Variants in CDCP1 observed in about 807,000 individuals in gnomAD.
CDCP1 encodes the protein CUB domain-containing protein 1.
CDCP1 carries 29 observed loss-of-function variants against 60.2 expected under a neutral mutation model. That is an observed-to-expected ratio of 0.48 (90% CI 0.36 to 0.66). The LOEUF (loss-of-function observed/expected upper bound fraction) is 0.66. CDCP1 is among the 30% of genes least tolerant of loss of function. The probability of loss-of-function intolerance (pLI) is 0.00; values close to 1 mark genes in which losing one functional copy is unlikely to be tolerated. For synonymous variants in CDCP1, 387 were observed against 431.1 expected, an observed-to-expected ratio of 0.90 and a Z score of 1.27; for missense variants, 876 against 1,074.3, an observed-to-expected ratio of 0.82 and a Z score of 2.58.
chr3:45,088,935 T>A (rs976323467), intron 8 of CDCP1, 119 bp downstream of exon 8: 8 of 831,482 alleles, frequency 9.6e-6, no homozygotes, highest in Non-Finnish European at 1.6e-5. Flanking sequence ...TGTTTAACAT[T>A]GATCTTTGGG....
intron 4 of CDCP1, among the ~76,000 whole-genome samples, chr3:45,104,011 G>A (rs542169493): frequency 6.6e-6 from 1 of 152,294 alleles, no homozygotes; most frequent in South Asian, 2.1e-4. Flanking sequence ...GACACTCCCA[G>A]GAGCACTCCA....
chr3:45,140,287 C>CTG (rs1559403417), intron 1 of CDCP1, among the ~76,000 whole-genome samples: 2 of 152,196 alleles, frequency 1.3e-5, no homozygotes, highest in African/African-American at 4.8e-5. Context: ...ACTGTATTTA[C>CTG]CCAGACAAAG....
chr3:45,097,612 G>A (rs184854673), intron 4 of CDCP1, among the ~76,000 whole-genome samples: 73 of 151,858 alleles, frequency 4.8e-4, no homozygotes, highest in Non-Finnish European at 7.6e-4. Context: ...CAGCGCCGGC[G>A]AATGAGTTCA....
chr3:45,110,888 C>T, intron 3 of CDCP1, 47 bp from the exon 4 acceptor site: 1 of 1,566,458 alleles, frequency 6.4e-7, no homozygotes. Flanking sequence ...AGCCATTAGA[C>T]CCTGTCCTGG....
intron 1 of CDCP1, among the ~76,000 whole-genome samples, chr3:45,136,818 A>T (rs559656950): frequency 1.3e-5 from 2 of 152,338 alleles, no homozygotes; most frequent in African/African-American, 4.8e-5. Context: ...TTATTTTTAA[A>T]ATATCTTAGA....
chr3:45,131,007 C>A (rs1030404660), intron 1 of CDCP1, among the ~76,000 whole-genome samples: 2 of 152,100 alleles, frequency 1.3e-5, no homozygotes, highest in African/African-American at 4.8e-5. Flanking sequence ...GCTGGGACCA[C>A]CAGCGAATGA....
chr3:45,140,760 T>C (rs544640507), intron 1 of CDCP1, among the ~76,000 whole-genome samples: 5 of 152,374 alleles, frequency 3.3e-5, no homozygotes, highest in African/African-American at 1.2e-4. Flanking sequence ...TTGAACACTG[T>C]AGAACTTATG....
intron 1 of CDCP1, among the ~76,000 whole-genome samples, chr3:45,143,121 TTGAACC>T (rs1376025752): frequency 2.6e-5 from 4 of 152,118 alleles, no homozygotes; most frequent in African/African-American, 9.7e-5. Flanking sequence ...GGAGAATAGC[TTGAACC>T]TGGGAGACGG....
intron 2 of CDCP1, among the ~76,000 whole-genome samples, chr3:45,114,641 G>C (rs913032411): frequency 7.9e-5 from 12 of 152,062 alleles, no homozygotes; most frequent in Non-Finnish European, 1.3e-4. Context: ...TTGAACTCCT[G>C]ACCTCAGGTG....
At chr3:45,093,687 A>C (rs755609949) in intron 5 of CDCP1, 30 bp from the exon 6 acceptor site, 1 of 1,582,784 alleles carries the variant, frequency 6.3e-7, no homozygotes, top group East Asian at 2.2e-5. Context: ...CTAGCCATGC[A>C]CAAAGGAGAC....
At chr3:45,107,422 G>T (rs1172225701) in intron 4 of CDCP1, among the ~76,000 whole-genome samples, 1 of 151,996 alleles carries the variant, frequency 6.6e-6, no homozygotes, top group Non-Finnish European at 1.5e-5. Context: ...TGGCCAGGCT[G>T]GTCTCAAACT....
Position 45,085,754 on chromosome 3 carries a change from G to A in CDCP1, c.2395C>T (p.Pro799Ser). The stretch of plus-strand genomic sequence containing the variant: ...GTGTACGGTTCACTCTCAGACTCAG[G>A]AGGGGAGCGAGGAGGTGGCTCCTCA... ...ATEEPPPRSP[P>S]ESESEPYTFS... The change falls in exon 9 of 9, where the codon CCT (proline) becomes TCT (serine). Residue 799 changes from proline (P) to serine (S), a missense_variant. Pro to Ser is a moderately conservative substitution (Grantham distance 74). Transcript: ENST00000296129. The surrounding 1 kb of genome is among the most constrained non-coding windows in gnomAD (Gnocchi z 4.2). 3 of 1,614,178 alleles carry A rather than the reference G, an allele frequency of 1.9e-6. No homozygotes were observed. The highest frequency in any genetic ancestry group is 1.3e-5 in the African/African-American group (1 of 75,038).
chr3:45,143,954 A>T (rs2126011558), intron 1 of CDCP1, among the ~76,000 whole-genome samples: 1 of 152,314 alleles, frequency 6.6e-6, no homozygotes, highest in East Asian at 1.9e-4. Context: ...GAGTGTGAAT[A>T]TATCATTTGA....
At chr3:45,131,012 G>A (rs927340606) in intron 1 of CDCP1, among the ~76,000 whole-genome samples, 2 of 152,060 alleles carry the variant, frequency 1.3e-5, no homozygotes, top group Non-Finnish European at 1.5e-5. Flanking sequence ...GACCACCAGC[G>A]AATGACACCA....
At chr3:45,106,180 A>G (rs1014640227) in intron 4 of CDCP1, among the ~76,000 whole-genome samples, 2 of 152,148 alleles carry the variant, frequency 1.3e-5, no homozygotes, top group African/African-American at 2.4e-5. Flanking sequence ...TTTTTGGACA[A>G]TTAGGTTCAA....
intron 4 of CDCP1, among the ~76,000 whole-genome samples, chr3:45,105,810 G>GT (rs1163842233): frequency 2.0e-5 from 3 of 152,284 alleles, no homozygotes; most frequent in African/African-American, 7.2e-5. Context: ...GGTGAAAGTG[G>GT]TAATAACATC....
At chr3:45,094,212 T>C (rs1188900886) in intron 5 of CDCP1, among the ~76,000 whole-genome samples, 1 of 141,308 alleles carries the variant, frequency 7.1e-6, no homozygotes, top group Non-Finnish European at 1.5e-5. Context: ...GTTGGTTTAC[T>C]GGCCTTCAGT....
At chr3:45,143,196 C>A (rs1346749720) in intron 1 of CDCP1, among the ~76,000 whole-genome samples, 1 of 152,120 alleles carries the variant, frequency 6.6e-6, no homozygotes, top group East Asian at 1.9e-4. Flanking sequence ...AAGAGTGAAA[C>A]TCTGTCTCAA....
intron 1 of CDCP1, among the ~76,000 whole-genome samples, chr3:45,142,829 C>A (rs532705530): frequency 3.3e-5 from 5 of 152,128 alleles, no homozygotes; most frequent in African/African-American, 4.8e-5. Context: ...CGTGGAAATG[C>A]GCGTCCAAAG....
Sources: gnomAD v4.1 joint callset for allele counts (sites outside exome capture counted in the v4.1 genomes callset) on GRCh38, gnomAD v4.1.1 for gene constraint, Gnocchi (gnomAD v3.1) non-coding constraint, MANE v1.5 for transcripts, NCBI Gene and HGNC (gene_info 2026-07-23, HGNC 2026-07-21) for gene names.